ARMC9: variants seen among roughly 807,000 people sequenced by gnomAD.
The protein encoded by ARMC9 is armadillo repeat containing 9, also known as lisH domain-containing protein ARMC9.
In ARMC9, 94 loss-of-function variants were observed where a neutral mutation model predicts 107.0. The observed-to-expected ratio is 0.88, with a 90% CI of 0.74 to 1.04. The LOEUF is 1.04. ARMC9 is among the 50% of genes least tolerant of loss of function. The pLI is 0.00. For missense variants in ARMC9, 942 were observed against 1,030.1 expected (o/e 0.91, Z 1.17); for synonymous variants, 380 against 396.9 (o/e 0.96, Z 0.51).
chr2:231,322,949 C>A (rs1177902199), intron 19 of ARMC9, among the ~76,000 whole-genome samples: 1 of 152,172 alleles, frequency 6.6e-6, no homozygotes, highest in African/African-American at 2.4e-5. Flanking sequence ...GCAGCTCAGA[C>A]AAGTTAGCAC....
At chr2:231,330,792 CTAAAGGAAGCAGGCTTTGGG>C (rs372433978) in intron 19 of ARMC9, among the ~76,000 whole-genome samples, 11,227 of 152,006 alleles carry the variant, frequency 0.074, 1,345 homozygotes, top group African/African-American at 0.25. Context: ...GGTCCTTTGG[CTAAAGGAAGCAGGCTTTGGG>C]TAAAGGAAGC....
intron 23 of ARMC9, among the ~76,000 whole-genome samples, chr2:231,363,008 G>A (rs910953698): frequency 1.3e-5 from 2 of 152,194 alleles, no homozygotes; most frequent in Non-Finnish European, 2.9e-5. Flanking sequence ...AGGGCACAGA[G>A]AGCGTGCAGG....
chr2:231,284,938 G>A (rs1490064249), intron 17 of ARMC9, among the ~76,000 whole-genome samples: 3 of 152,172 alleles, frequency 2.0e-5, no homozygotes, highest in East Asian at 1.9e-4. Context: ...GGTGGCTCAC[G>A]CCTGTAATCT....
chr2:231,246,801 C>T (rs908347249), intron 9 of ARMC9, among the ~76,000 whole-genome samples: 2 of 152,112 alleles, frequency 1.3e-5, no homozygotes, highest in South Asian at 2.1e-4. Flanking sequence ...TACATTCCCA[C>T]GAACACATAC....
At position 231,291,582 on chromosome 2, in the gene ARMC9, C is replaced by T. The variant is rs202084311; in HGVS notation, c.1717+139C>T. Reference sequence around the variant, plus strand: ...CTTATAATCCCAGCACTTTGGGAGGCCGAGGTGGGTGGATCACGAGGTCAG... The same window carrying T: ...CTTATAATCCCAGCACTTTGGGAGGTCGAGGTGGGTGGATCACGAGGTCAG... On this transcript the variant is annotated intron_variant, in intron 18 of 24. Transcript: ENST00000611582. 434 of 734,742 alleles carry T rather than the reference C, an allele frequency of 5.9e-4. 4 individuals carry two copies. In the East Asian group the frequency reaches 0.013, roughly 23 times the overall value. The allele number at this position is 734,742 out of a possible 1,614,324, so 45.5% of individuals were successfully genotyped here. A position where few individuals can be genotyped will look rare whatever the true frequency, so the allele number is the denominator to read the frequency against.
chr2:231,293,922 A>G (rs977950883), intron 18 of ARMC9: 4 of 152,244 alleles, frequency 2.6e-5, no homozygotes, highest in Non-Finnish European at 5.9e-5. Flanking sequence ...GAGAGCCTCC[A>G]TCCTGTCTTC....
intron 12 of ARMC9, among the ~76,000 whole-genome samples, chr2:231,268,659 C>G (rs1033734229): frequency 1.3e-5 from 2 of 152,124 alleles, no homozygotes; most frequent in Non-Finnish European, 2.9e-5. Flanking sequence ...CATGTATGGT[C>G]AAGAAATGTC....
intron 21 of ARMC9, among the ~76,000 whole-genome samples, chr2:231,355,540 G>A (rs910667245): frequency 6.6e-5 from 10 of 152,318 alleles, no homozygotes; most frequent in African/African-American, 2.4e-4. Context: ...ACACGTAATT[G>A]TGTGTTAGGA....
chr2:231,258,978 T>G lies in ARMC9; in HGVS notation c.915-13T>G. Reference sequence around the variant, plus strand: ...GCCCTTTTCTTTCTCTTTGAACTTGTGTTGCTGAGTAGGAAATTGAAGGAT... The same window carrying G: ...GCCCTTTTCTTTCTCTTTGAACTTGGGTTGCTGAGTAGGAAATTGAAGGAT... On this transcript the variant is annotated splice_polypyrimidine_tract_variant and intron_variant, in intron 10 of 24. Coordinates refer to ENST00000611582, the MANE Select transcript of ARMC9 (RefSeq NM_001352754.2). The G allele has an allele frequency of 5.6e-6, 9 of 1,598,192 alleles. No individual in the cohort carries two copies. Among genetic ancestry groups the G allele is most frequent in the Non-Finnish European group, 7.7e-6 (9 of 1,165,650 alleles).
intron 9 of ARMC9, among the ~76,000 whole-genome samples, chr2:231,251,969 CCTT>C (rs1559353811): frequency 1.3e-5 from 2 of 152,184 alleles, no homozygotes; most frequent in Admixed American, 6.5e-5. Context: ...CTGAGCCACT[CCTT>C]CTACAGCCAT....
intron 6 of ARMC9, among the ~76,000 whole-genome samples, chr2:231,226,245 G>GA (rs1366431959): frequency 6.6e-6 from 1 of 152,206 alleles, no homozygotes; most frequent in Non-Finnish European, 1.5e-5. Flanking sequence ...CAAATTAAGG[G>GA]AAAAGAAACA....
At chr2:231,361,160 G>A (rs986372218) in intron 23 of ARMC9, among the ~76,000 whole-genome samples, 9 of 152,200 alleles carry the variant, frequency 5.9e-5, no homozygotes, top group Middle Eastern at 3.2e-3. Context: ...ACTGCCAGGC[G>A]GACTTGTCCA....
At chr2:231,365,061 T>TCCCA (rs1247065407) in intron 23 of ARMC9, among the ~76,000 whole-genome samples, 167 of 152,288 alleles carry the variant, frequency 1.1e-3, no homozygotes, top group South Asian at 2.7e-3. Context: ...CCTCCCAGCA[T>TCCCA]GGTGAGCTCA....
chr2:231,270,657 T>A (rs760730100), intron 12 of ARMC9: 1 of 518,964 alleles, frequency 1.9e-6, no homozygotes, highest in Middle Eastern at 3.0e-4. Context: ...AAATTAGTCA[T>A]GTGTCTTGGA....
chr2:231,240,708 G>A (rs1035610884), intron 9 of ARMC9, among the ~76,000 whole-genome samples: 2 of 152,008 alleles, frequency 1.3e-5, no homozygotes, highest in Admixed American at 6.6e-5. Context: ...CTTATCTACC[G>A]TCCATTTTCC....
intron 21 of ARMC9, among the ~76,000 whole-genome samples, chr2:231,353,826 T>C (rs888470489): frequency 6.6e-6 from 1 of 152,020 alleles, no homozygotes; most frequent in South Asian, 2.1e-4. Context: ...TGCTTCTCAA[T>C]TGACACCCCT....
intron 7 of ARMC9, among the ~76,000 whole-genome samples, chr2:231,230,414 C>T (rs945443460): frequency 1.3e-5 from 2 of 151,974 alleles, no homozygotes; most frequent in Non-Finnish European, 2.9e-5. Context: ...TTTAGTTGTT[C>T]TTGTCTCATA....
At chr2:231,243,407 T>G (rs1208980784) in intron 9 of ARMC9, among the ~76,000 whole-genome samples, 1 of 152,094 alleles carries the variant, frequency 6.6e-6, no homozygotes, top group African/African-American at 2.4e-5. Context: ...AGTGAGAGCC[T>G]GTCTCAAAAG....
At chr2:231,216,126 C>T (rs536475618) in intron 4 of ARMC9, among the ~76,000 whole-genome samples, 3 of 152,206 alleles carry the variant, frequency 2.0e-5, no homozygotes, top group African/African-American at 2.4e-5. Flanking sequence ...TGACACAGAG[C>T]GAGCCCAGGC....
Sources: gnomAD v4.1 joint callset for allele counts (sites outside exome capture counted in the v4.1 genomes callset) on GRCh38, gnomAD v4.1.1 for gene constraint, MANE v1.5 for transcripts, NCBI Gene and HGNC (gene_info 2026-07-23, HGNC 2026-07-21) for gene names.